Variants in NPHS2 observed in about 807,000 individuals in gnomAD.
NPHS2 encodes the protein NPHS2 stomatin family member, podocin.
A neutral mutation model predicts 37.1 loss-of-function variants in NPHS2; 36 were observed. The observed-to-expected ratio is 0.97, with a 90% CI of 0.74 to 1.28. The LOEUF is 1.28. Among genes scored for constraint, NPHS2 ranks in the 50% most tolerant of loss-of-function variants. The probability of loss-of-function intolerance (pLI) is 0.00; values close to 1 mark genes in which losing one functional copy is unlikely to be tolerated. For missense variants in NPHS2, 447 were observed against 488.1 expected (o/e 0.92, Z 0.79); for synonymous variants, 196 against 189.3 (o/e 1.04, Z -0.29).
At chr1:179,572,053 C>T (rs1307747985) in intron 1 of NPHS2, among the ~76,000 whole-genome samples, 1 of 152,246 alleles carries the variant, frequency 6.6e-6, no homozygotes, top group Non-Finnish European at 1.5e-5. Context: ...CCTGCTTCAG[C>T]TCACCCTCCA....
chr1:179,564,780 G>A lies in NPHS2; in HGVS notation c.288C>T (p.Ser96=), dbSNP rs3738423. Residue 96 remains serine, a synonymous_variant, in exon 2 of 8, where the codon TCC becomes TCT. Transcript: ENST00000367615. The stretch of plus-strand genomic sequence containing the variant: ...GAAGCCACTCACAGGCCCCTAAGCC[G>A]GAGGATTTGGTACCTTAAAAAAATT... ...SERPEEGTKS[S]GLGACEWLLV... 0.084 allele frequency: 135,724 copies of A among 1,612,474 alleles called. 6,307 individuals are homozygous for A. The highest frequency in any genetic ancestry group is 0.09 in the Non-Finnish European group (106,612 of 1,178,576).
chr1:179,565,770 G>A (rs1674310716), intron 1 of NPHS2, among the ~76,000 whole-genome samples: 2 of 147,252 alleles, frequency 1.4e-5, no homozygotes, highest in South Asian at 4.3e-4. Flanking sequence ...ACCGCCCTGT[G>A]TCCAAGTGAT....
chr1:179,574,465 C>G (rs959432562), intron 1 of NPHS2, among the ~76,000 whole-genome samples: 2 of 152,192 alleles, frequency 1.3e-5, no homozygotes, highest in African/African-American at 4.8e-5. Flanking sequence ...GTCTACCCTA[C>G]CAGTGTGATC....
intron 1 of NPHS2, among the ~76,000 whole-genome samples, chr1:179,567,816 G>A (rs970306179): frequency 1.3e-5 from 2 of 152,178 alleles, no homozygotes; most frequent in African/African-American, 4.8e-5. Context: ...TGCATCTATT[G>A]AGATAATCAT....
chr1:179,554,272 A>G (rs1217025055), intron 6 of NPHS2, among the ~76,000 whole-genome samples: 1 of 152,178 alleles, frequency 6.6e-6, no homozygotes, highest in Non-Finnish European at 1.5e-5. Context: ...CATAGAGAAA[A>G]AAATAATCAG....
At position 179,550,879 on chromosome 1, in the gene NPHS2, A is replaced by G; in HGVS notation, c.*294T>C. On this transcript the variant is annotated 3_prime_UTR_variant, in exon 8 of 8. Transcript: ENST00000367615. Reference sequence around the variant, plus strand: ...GGGACATCTGAACCAAGTTCCCAGAAGTCAAAATTTAACCACATCTAGACT... The same window carrying G: ...GGGACATCTGAACCAAGTTCCCAGAGGTCAAAATTTAACCACATCTAGACT... 2.3e-6 allele frequency: 1 copy of G among 431,530 alleles called. No homozygotes were observed. Among genetic ancestry groups the G allele is most frequent in the Non-Finnish European group, 4.3e-6 (1 of 231,274 alleles). 26.7% of individuals were successfully genotyped at this position (431,530 alleles called of 1,614,324 possible).
intron 4 of NPHS2, among the ~76,000 whole-genome samples, chr1:179,558,143 A>G (rs1336043135): frequency 6.6e-6 from 1 of 152,126 alleles, no homozygotes; most frequent in African/African-American, 2.4e-5. Context: ...GAATACACTC[A>G]TAATATTGTG....
At chr1:179,558,793 A>G (rs567820670) in intron 4 of NPHS2, among the ~76,000 whole-genome samples, 1 of 152,294 alleles carries the variant, frequency 6.6e-6, no homozygotes, top group South Asian at 2.1e-4. Flanking sequence ...TAATGAGTGT[A>G]AAGTGATATT....
At chr1:179,574,510 C>T (rs1200274887) in intron 1 of NPHS2, among the ~76,000 whole-genome samples, 1 of 152,200 alleles carries the variant, frequency 6.6e-6, no homozygotes, top group East Asian at 1.9e-4. Flanking sequence ...CTAACCTCAG[C>T]ATTGAACCCA....
At chr1:179,552,743 A>G in intron 6 of NPHS2, 62 bp from the exon 7 acceptor site, 2 of 1,297,374 alleles carry the variant, frequency 1.5e-6, no homozygotes, top group Non-Finnish European at 2.2e-6. Flanking sequence ...CAAAGCTTTC[A>G]CACAGACTTG....
intron 2 of NPHS2, among the ~76,000 whole-genome samples, chr1:179,561,925 C>A (rs1674154217): frequency 6.6e-6 from 1 of 152,128 alleles, no homozygotes; most frequent in Non-Finnish European, 1.5e-5. Flanking sequence ...CCTGCCTCAG[C>A]CTCCCAAGTA....
In NPHS2 at chr1:179,551,326, C is replaced by T. The variant is rs779652218; in HGVS notation, c.999G>A (p.Glu333=). The T allele has an allele frequency of 6.2e-7, 1 of 1,614,172 alleles. No individual in the cohort carries two copies. The highest frequency in any genetic ancestry group is 1.1e-5 in the South Asian group (1 of 91,082). ...YLHTLQSLST[E]KPSTVVLPLP... ...AAGGTAAAACCACAGTGGAAGGCTT[C>T]TCTGTGGACAGAGACTGAAGGGTGT... is the stretch of plus-strand genomic sequence containing the variant. The change falls in exon 8 of 8, where the codon GAG becomes GAA. Residue 333 remains glutamate (E), a synonymous_variant. Coordinates refer to ENST00000367615, the MANE Select transcript of NPHS2 (RefSeq NM_014625.4).
chr1:179,573,923 A>G (rs1195993186), intron 1 of NPHS2, among the ~76,000 whole-genome samples: 2 of 152,238 alleles, frequency 1.3e-5, no homozygotes, highest in Non-Finnish European at 2.9e-5. Flanking sequence ...TTCAAGCAGG[A>G]AAACCTTTAA....
chr1:179,569,859 T>G (rs1674484890), intron 1 of NPHS2, among the ~76,000 whole-genome samples: 1 of 152,236 alleles, frequency 6.6e-6, no homozygotes, highest in Non-Finnish European at 1.5e-5. Flanking sequence ...TTAAGAATGT[T>G]GAATGTAGGC....
chr1:179,557,284 G>A, intron 4 of NPHS2, 54 bp from the exon 5 acceptor site: 1 of 1,445,132 alleles, frequency 6.9e-7, no homozygotes, highest in Non-Finnish European at 9.7e-7. Flanking sequence ...CCTTTCCTAT[G>A]TGGGGTTAGA....
In NPHS2 at chr1:179,564,781, G is replaced by C. The variant is rs1250680481; in HGVS notation, c.287C>G (p.Ser96Cys). The C allele has an allele frequency of 6.2e-7, 1 of 1,613,626 alleles. No individual in the cohort carries two copies. The highest frequency in any genetic ancestry group is 8.5e-7 in the Non-Finnish European group (1 of 1,179,546). ...AAGCCACTCACAGGCCCCTAAGCCG[G>C]AGGATTTGGTACCTTAAAAAAATTA... ...SERPEEGTKS[S>C]GLGACEWLLV... Residue 96 changes from serine to cysteine, a missense_variant, in exon 2 of 8, where the codon TCC becomes TGC. Coordinates refer to ENST00000367615, the MANE Select transcript of NPHS2 (RefSeq NM_014625.4).
Position 179,552,659 on chromosome 1 carries a change from C to T in NPHS2, c.817G>A (p.Gly273Arg). The T allele has an allele frequency of 6.2e-7, 1 of 1,613,918 alleles. No homozygotes were observed. Among genetic ancestry groups the T allele is most frequent in the South Asian group, 1.1e-5 (1 of 91,046 alleles). Reference protein sequence around the residue: ...IEIKDVRLPAGLQHSLAVEAE... With the variant: ...IEIKDVRLPARLQHSLAVEAE... ...TCCACAGCCAGTGAGTGCTGAAGCC[C>T]AGCTGGCAACCTCACATCTTTACTG... Residue 273 changes from glycine to arginine, a missense_variant, in exon 7 of 8, where the codon GGG (glycine) becomes AGG (arginine). Gly to Arg is a moderately radical substitution (Grantham distance 125, BLOSUM62 -2). Coordinates refer to ENST00000367615, the MANE Select transcript of NPHS2 (RefSeq NM_014625.4).
rs1258792863 is a variant in NPHS2 at position 179,551,050 on chromosome 1, C to A, written c.*123G>T. On this transcript the variant is annotated 3_prime_UTR_variant, in exon 8 of 8. Transcript: ENST00000367615. ...ATGGATGGTGCATTGTGACTTCGTG[C>A]ATTCCATGGCCATTCCATATGGCAA... is the stretch of plus-strand genomic sequence containing the variant. 8.5e-7 allele frequency: 1 copy of A among 1,180,740 alleles called. No individual in the cohort carries two copies. Among genetic ancestry groups the A allele is most frequent in the African/African-American group, 1.5e-5 (1 of 66,312 alleles). The allele number at this position is 1,180,740 out of a possible 1,614,324, so 73.1% of individuals were successfully genotyped here.
intron 1 of NPHS2, among the ~76,000 whole-genome samples, chr1:179,574,950 G>A (rs1674698272): frequency 6.6e-6 from 1 of 152,122 alleles, no homozygotes; most frequent in Non-Finnish European, 1.5e-5. Context: ...TCCAGACTTT[G>A]TGCAAAGTGC....
Sources: allele counts gnomAD v4.1 joint callset (sites outside exome capture counted in the v4.1 genomes callset), GRCh38; gene constraint gnomAD v4.1.1; transcripts MANE v1.5; gene names NCBI Gene and HGNC (gene_info 2026-07-23, HGNC 2026-07-21).